COL5A2: variants seen among roughly 807,000 people sequenced by gnomAD.
COL5A2 encodes the protein collagen type V alpha 2 chain, also known as collagen alpha-2(V) chain.
COL5A2 carries 23 observed loss-of-function variants against 208.2 expected under a neutral mutation model. The observed-to-expected ratio is 0.11, with a 90% confidence interval of 0.08 to 0.16. The LOEUF (loss-of-function observed/expected upper bound fraction) is 0.16. Among genes scored for constraint, COL5A2 ranks in the 10% least tolerant of loss-of-function variants. The pLI is 1.00. For missense variants in COL5A2, 1,590 were observed against 1,956.4 expected (o/e 0.81, Z 3.53); for synonymous variants, 625 against 628.5 (o/e 0.99, Z 0.08).
the COL5A2 span, among the ~76,000 whole-genome samples, chr2:189,416,541 T>A: frequency 6.6e-6 from 1 of 151,896 alleles, no homozygotes; most frequent in Non-Finnish European, 1.5e-5. Context: ...AAGGGGAACA[T>A]CACACACCGG....
chr2:189,245,482 ATTT>A, the COL5A2 span, among the ~76,000 whole-genome samples: 330 of 124,118 alleles, frequency 2.7e-3, 1 homozygote, highest in Middle Eastern at 8.2e-3. Context: ...TATACTCAAA[ATTT>A]TTTTTTTTTT....
intron 1 of COL5A2, among the ~76,000 whole-genome samples, chr2:189,210,786 T>C (rs764958034): frequency 3.9e-5 from 6 of 152,172 alleles, no homozygotes; most frequent in Admixed American, 1.3e-4. Context: ...CTGCTGGTTT[T>C]GATGGTTCAA....
the COL5A2 span, among the ~76,000 whole-genome samples, chr2:189,359,652 T>C: frequency 0.018 from 2,797 of 152,272 alleles, 90 homozygotes; most frequent in African/African-American, 0.063. Flanking sequence ...GTGTTGGCTC[T>C]TATTTAAATC....
At chr2:189,250,559 C>A in the COL5A2 span, among the ~76,000 whole-genome samples, 1 of 152,120 alleles carries the variant, frequency 6.6e-6, no homozygotes, top group African/African-American at 2.4e-5. Flanking sequence ...TCCTTCCCTC[C>A]CTTACTTGAA....
At chr2:189,360,058 T>C in the COL5A2 span, among the ~76,000 whole-genome samples, 1 of 152,188 alleles carries the variant, frequency 6.6e-6, no homozygotes, top group African/African-American at 2.4e-5. Context: ...TTATTTTTGC[T>C]CTAATCTTTA....
chr2:189,283,205 G>GAGGAAAGA, the COL5A2 span, among the ~76,000 whole-genome samples: 3 of 151,466 alleles, frequency 2.0e-5, no homozygotes, highest in East Asian at 1.9e-4. Flanking sequence ...GGAAGAAAGG[G>GAGGAAAGA]AGGAAAGAAG....
intron 6 of COL5A2, 55 bp downstream of exon 6, chr2:189,097,222 C>G: frequency 6.5e-7 from 1 of 1,546,752 alleles, no homozygotes; most frequent in African/African-American, 1.4e-5. Context: ...TCAGAGAACA[C>G]AGTGTAAACT....
chr2:189,132,040 G>T (rs190860557), intron 1 of COL5A2, among the ~76,000 whole-genome samples: 1 of 152,254 alleles, frequency 6.6e-6, no homozygotes, highest in East Asian at 1.9e-4. Flanking sequence ...ATCCACTGAG[G>T]TTCATATTTT....
chr2:189,043,078 G>T, intron 48 of COL5A2, 73 bp downstream of exon 48: 1 of 1,089,200 alleles, frequency 9.2e-7, no homozygotes, highest in Non-Finnish European at 1.4e-6. Context: ...TTTACAGACA[G>T]ATAAATGTTC....
chr2:189,233,190 G>T, the COL5A2 span, among the ~76,000 whole-genome samples: 1 of 151,604 alleles, frequency 6.6e-6, no homozygotes, highest in Non-Finnish European at 1.5e-5. Context: ...ACAAATCATT[G>T]TTTTCCTGTT....
intron 2 of COL5A2, among the ~76,000 whole-genome samples, chr2:189,106,951 C>T (rs1257767893): frequency 6.6e-6 from 1 of 151,184 alleles, no homozygotes; most frequent in Non-Finnish European, 1.5e-5. Flanking sequence ...TGAATAATTA[C>T]TCTCTTAATA....
At chr2:189,252,678 G>A in the COL5A2 span, among the ~76,000 whole-genome samples, 1 of 151,944 alleles carries the variant, frequency 6.6e-6, no homozygotes, top group South Asian at 2.1e-4. Context: ...GAGTTAAGGG[G>A]TGCAGCACAC....
chr2:189,199,649 C>G (rs2105855268), intron 1 of COL5A2, among the ~76,000 whole-genome samples: 1 of 152,310 alleles, frequency 6.6e-6, no homozygotes, highest in South Asian at 2.1e-4. Context: ...AGTCATCAAG[C>G]TGTACTGTGG....
intron 45 of COL5A2, among the ~76,000 whole-genome samples, chr2:189,046,335 G>GA (rs1165569135): frequency 1.3e-5 from 2 of 152,106 alleles, no homozygotes; most frequent in Non-Finnish European, 2.9e-5. Flanking sequence ...TATTCTTTCA[G>GA]AAAACTATAT....
At chr2:189,116,206 C>A (rs942952211) in intron 1 of COL5A2, among the ~76,000 whole-genome samples, 1 of 152,164 alleles carries the variant, frequency 6.6e-6, no homozygotes, top group Non-Finnish European at 1.5e-5. Context: ...AGAGAGAATG[C>A]CTTGTGGGAC....
Position 189,198,003 on chromosome 2 carries a change from C to G in COL5A2, c.-42+27145G>C, listed in dbSNP as rs955600827. On this transcript the variant is annotated intron_variant, in intron 1 of 10. Coordinates refer to the COL5A2 transcript ENST00000649966. ...GAACTGGGACTACAGGTGCCCGCCA[C>G]CACACCCAGCTAATTTTTTGTATTT... Among the ~76,000 whole-genome samples the G allele has an allele frequency of 3.3e-5, 5 of 152,016 alleles. 1 individual carries two copies. The highest frequency in any genetic ancestry group is 1.2e-4 in the African/African-American group (5 of 41,364).
chr2:189,154,972 GA>G (rs1409111339), intron 1 of COL5A2, among the ~76,000 whole-genome samples: 4 of 151,996 alleles, frequency 2.6e-5, no homozygotes, highest in Non-Finnish European at 4.4e-5. Flanking sequence ...AAAGTATCCT[GA>G]CAGATTATTT....
chr2:189,434,541 CAGAG>C, the COL5A2 span, among the ~76,000 whole-genome samples: 1 of 152,096 alleles, frequency 6.6e-6, no homozygotes, highest in East Asian at 1.9e-4. Context: ...CAATAACAGA[CAGAG>C]AGCCAAATCA....
the COL5A2 span, among the ~76,000 whole-genome samples, chr2:189,241,794 T>C: frequency 1.3e-5 from 2 of 152,130 alleles, no homozygotes; most frequent in African/African-American, 2.4e-5. Flanking sequence ...CAAAGCTGAG[T>C]GATATTTTAA....
Sources: gnomAD v4.1 joint callset for allele counts (sites outside exome capture counted in the v4.1 genomes callset) on GRCh38, gnomAD v4.1.1 for gene constraint, MANE v1.5 for transcripts, NCBI Gene and HGNC (gene_info 2026-07-23, HGNC 2026-07-21) for gene names.